Variants in MKNK2 observed in about 807,000 individuals in gnomAD.
MKNK2 encodes MAP kinase-interacting serine/threonine-protein kinase 2.
A neutral mutation model predicts 55.0 loss-of-function variants in MKNK2; 54 were observed. That is an observed-to-expected ratio of 0.98 (90% confidence interval 0.79 to 1.23). The LOEUF (loss-of-function observed/expected upper bound fraction) is 1.23, where lower values mean the gene tolerates loss of function less well. Ranked by LOEUF, MKNK2 falls within the 50% of genes most tolerant of loss-of-function variation. The probability of loss-of-function intolerance (pLI) is 0.00; values close to 1 mark genes in which losing one functional copy is unlikely to be tolerated. For synonymous variants in MKNK2, 323 were observed against 256.0 expected (o/e 1.26, Z -2.50); for missense variants, 685 against 632.1 (o/e 1.08, Z -0.90).
At position 2,042,097 on chromosome 19, in the gene MKNK2, G is replaced by A. The variant is rs905345505; in HGVS notation, c.751-63C>T. 10 of 1,372,038 alleles carry A rather than the reference G, an allele frequency of 7.3e-6. No individual in the cohort carries two copies. The African/African-American group carries it at 1.5e-4, about 21-fold the overall frequency. 85.0% of individuals were successfully genotyped at this position (1,372,038 alleles called of 1,614,324 possible). ...CAGCATTACGTGGGAACCGAGCCCGGGTAACTGCGGGTCACCTGCGCCAGC... is the reference window on the plus strand; with the variant it reads ...CAGCATTACGTGGGAACCGAGCCCGAGTAACTGCGGGTCACCTGCGCCAGC... On this transcript the variant is annotated intron_variant, in intron 10 of 13. Coordinates refer to ENST00000250896, the MANE Select transcript of MKNK2 (RefSeq NM_199054.3).
chr19:2,037,515 A>G lies in MKNK2; in HGVS notation c.*2098T>C, dbSNP rs1180678113. The stretch of plus-strand genomic sequence containing the variant: ...TTAAATCTTTACAAAACAGAATACA[A>G]AATTCCGGCATTGACAGTTGGTGTA... On this transcript the variant is annotated 3_prime_UTR_variant, in exon 14 of 14. Coordinates refer to ENST00000250896, the MANE Select transcript of MKNK2 (RefSeq NM_199054.3). 3 of 378,818 alleles carry G rather than the reference A, an allele frequency of 7.9e-6. No homozygotes were observed. The highest frequency in any genetic ancestry group is 1.4e-5 in the Non-Finnish European group (3 of 211,628). 23.5% of individuals were successfully genotyped at this position (378,818 alleles called of 1,614,324 possible). A position where few individuals can be genotyped will look rare whatever the true frequency, so the allele number is the denominator to read the frequency against.
chr19:2,046,731 C>T, intron 2 of MKNK2, 40 bp from the exon 3 acceptor site: 1 of 1,447,858 alleles, frequency 6.9e-7, no homozygotes, highest in East Asian at 2.5e-5. Context: ...AGGCCCCATC[C>T]CTGCCCACGC....
At position 2,038,507 on chromosome 19, in the gene MKNK2, C is replaced by T; in HGVS notation, c.*1106G>A. ...GGGGGACTGAGCAGACCCCCGCATT[C>T]CTGGGTGCCCGAAGGGAGGCCGAGG... On this transcript the variant is annotated 3_prime_UTR_variant, in exon 14 of 14. Coordinates refer to ENST00000250896, the MANE Select transcript of MKNK2 (RefSeq NM_199054.3). 1 of 985,604 alleles carries T rather than the reference C, an allele frequency of 1.0e-6. No homozygotes were observed. Among genetic ancestry groups the T allele is most frequent in the East Asian group, 1.1e-4 (1 of 8,768 alleles). 61.1% of individuals were successfully genotyped at this position (985,604 alleles called of 1,614,324 possible). A position where few individuals can be genotyped will look rare whatever the true frequency, so the allele number is the denominator to read the frequency against.
chr19:2,043,423 T>TG, intron 6 of MKNK2, 80 bp downstream of exon 6: 1 of 1,358,826 alleles, frequency 7.4e-7, no homozygotes, highest in Non-Finnish European at 1.1e-6. Flanking sequence ...AGACGCTTGC[T>TG]GGGGGTGATG....
Position 2,040,447 on chromosome 19 carries a change from G to C in MKNK2, c.1111-270C>G, listed in dbSNP as rs981860731. 13 of 472,606 alleles carry C rather than the reference G, an allele frequency of 2.8e-5. No individual in the cohort carries two copies. The Middle Eastern group carries it at 1.6e-3, about 59-fold the overall frequency. 29.3% of individuals were successfully genotyped at this position (472,606 alleles called of 1,614,324 possible). On this transcript the variant is annotated intron_variant, in intron 12 of 13. Transcript: ENST00000250896. ...AGTGAGGGTGGGGGCAGAGCCCCAA[G>C]CCCCATCTCTCCCGGCTGTTCCCAG...
intron 2 of MKNK2, among the ~76,000 whole-genome samples, chr19:2,049,800 G>C (rs528580853): frequency 1.3e-5 from 2 of 152,172 alleles, no homozygotes; most frequent in Admixed American, 1.3e-4. Context: ...GGTGGCAGGG[G>C]TGGAGTGCTG....
At chr19:2,046,538 G>A (rs1317529302) in intron 3 of MKNK2, 66 bp downstream of exon 3, 2 of 1,558,572 alleles carry the variant, frequency 1.3e-6, no homozygotes, top group Non-Finnish European at 1.7e-6. Context: ...CCCCCTGCAG[G>A]GGCTGGCCAC....
At chr19:2,040,048 C>T in intron 13 of MKNK2, 86 bp downstream of exon 13, 1 of 1,463,590 alleles carries the variant, frequency 6.8e-7, no homozygotes, top group Non-Finnish European at 9.4e-7. Context: ...GACCCCAAAG[C>T]AGTTCTCCGG....
Position 2,037,475 on chromosome 19 carries a change from GTTTTTTGACT to G in MKNK2, c.*2128_*2137del, listed in dbSNP as rs1461077662. The G allele has an allele frequency of 3.5e-6, 1 of 286,154 alleles. No homozygotes were observed. The highest frequency in any genetic ancestry group is 2.2e-5 in the African/African-American group (1 of 45,632). 17.7% of individuals were successfully genotyped at this position (286,154 alleles called of 1,614,324 possible). A position where few individuals can be genotyped will look rare whatever the true frequency, so the allele number is the denominator to read the frequency against. On this transcript the variant is annotated 3_prime_UTR_variant, in exon 14 of 14. Coordinates refer to ENST00000250896, the MANE Select transcript of MKNK2 (RefSeq NM_199054.3). ...AAACTAAAACTCAGGCACACAGCAA[GTTTTTTGACT>G]TTTATTAAATCTTTACAAAACAGAA... is the stretch of plus-strand genomic sequence containing the variant.
At chr19:2,049,742 ACACT>A (rs1158719454) in intron 2 of MKNK2, among the ~76,000 whole-genome samples, 1 of 152,132 alleles carries the variant, frequency 6.6e-6, no homozygotes, top group African/African-American at 2.4e-5. Context: ...CCAGCCCCTG[ACACT>A]CTGATGGTGC....
At chr19:2,046,161 T>TCC (rs1261032057) in intron 5 of MKNK2, 25 bp downstream of exon 5, 13 of 1,602,712 alleles carry the variant, frequency 8.1e-6, no homozygotes, top group Non-Finnish European at 4.3e-6. Context: ...GGCGCTGGGT[T>TCC]CCCCAGGGCG....
At position 2,045,597 on chromosome 19, in the gene MKNK2, C is replaced by T. The variant is rs561604958; in HGVS notation, c.339+589G>A. Among the ~76,000 whole-genome samples the T allele has an allele frequency of 1.7e-4, 26 of 152,284 alleles. No homozygotes were observed. The East Asian group carries it at 4.4e-3, about 26-fold the overall frequency. ...CCACAGGCTCCTGGCGAGCCCTGCT[C>T]GCCAGGGCACACCTGGCCCTCTTTC... On this transcript the variant is annotated intron_variant, in intron 5 of 13. Transcript: ENST00000250896.
chr19:2,050,287 G>C (rs975975823), intron 2 of MKNK2, among the ~76,000 whole-genome samples: 5 of 152,352 alleles, frequency 3.3e-5, no homozygotes, highest in East Asian at 1.9e-4. Flanking sequence ...CAGGCCCCCT[G>C]GGGGTGGGTG....
At chr19:2,040,219 G>A (rs749023553) in intron 12 of MKNK2, 42 bp from the exon 13 acceptor site, 2 of 1,497,002 alleles carry the variant, frequency 1.3e-6, no homozygotes, top group South Asian at 2.5e-5. Context: ...AGAGCAGCTG[G>A]GGCCGCCTGG....
intron 10 of MKNK2, 90 bp from the exon 11 acceptor site, chr19:2,042,124 G>A (rs2016900014): frequency 1.6e-6 from 2 of 1,259,274 alleles, no homozygotes; most frequent in African/African-American, 1.6e-5. Context: ...TGCGCCAGCC[G>A]GCTCGGACCC....
rs535452933 is a variant in MKNK2 at position 2,047,560 on chromosome 19, C to T, written c.52-869G>A. 1.9e-4 allele frequency among the ~76,000 whole-genome samples: 29 copies of T among 152,150 alleles called. 1 individual carries two copies. Among genetic ancestry groups the T allele is most frequent in the African/African-American group, 6.3e-4 (26 of 41,512 alleles). Reference sequence around the variant, plus strand: ...GACGGCTGACCTCTGGGGCGGGTCGCGGGGATCAAAGGCAGCGGGGCAGTG... The same window carrying T: ...GACGGCTGACCTCTGGGGCGGGTCGTGGGGATCAAAGGCAGCGGGGCAGTG... On this transcript the variant is annotated intron_variant, in intron 2 of 13. Transcript: ENST00000250896.
chr19:2,042,200 G>A (rs1334824264), intron 10 of MKNK2, 166 bp from the exon 11 acceptor site: 3 of 748,508 alleles, frequency 4.0e-6, no homozygotes, highest in Non-Finnish European at 6.1e-6. Flanking sequence ...AGCAGGTGCA[G>A]AGCTCGCCCC....
rs1388133280 is a variant in MKNK2 at position 2,051,164 on chromosome 19, C to T, written c.-165G>A. ...ACGTCGCGCAGCCCGGACCCCGCTC[C>T]GCGGACCGCGCGGGGAACAGCGCCG... On this transcript the variant is annotated 5_prime_UTR_variant, in exon 1 of 14. Coordinates refer to ENST00000250896, the MANE Select transcript of MKNK2 (RefSeq NM_199054.3). The T allele has an allele frequency of 6.3e-6, 1 of 158,504 alleles. No homozygotes were observed. The highest frequency in any genetic ancestry group is 2.4e-5 in the African/African-American group (1 of 41,350). 9.8% of individuals were successfully genotyped at this position (158,504 alleles called of 1,614,324 possible). A position where few individuals can be genotyped will look rare whatever the true frequency, so the allele number is the denominator to read the frequency against.
rs767521087 is a variant in MKNK2, at chr19:2,046,704, G to A, written c.52-13C>T. On this transcript the variant is annotated splice_polypyrimidine_tract_variant and intron_variant, in intron 2 of 13. Transcript: ENST00000250896. The stretch of plus-strand genomic sequence containing the variant: ...AGGGGTTCTGCCCCTGCAGGGGAGA[G>A]GAGAGGAGAGGCACTCAGGCCCCAT... The A allele has an allele frequency of 3.6e-5, 54 of 1,502,656 alleles. No homozygotes were observed. The highest frequency in any genetic ancestry group is 4.6e-5 in the Non-Finnish European group (52 of 1,126,950). 93.1% of individuals were successfully genotyped at this position (1,502,656 alleles called of 1,614,324 possible).
Sources: allele counts gnomAD v4.1 joint callset (sites outside exome capture counted in the v4.1 genomes callset), GRCh38; gene constraint gnomAD v4.1.1; transcripts MANE v1.5; gene names NCBI Gene and HGNC (gene_info 2026-07-23, HGNC 2026-07-21).